SIPA1L1: variants seen among roughly 807,000 people sequenced by gnomAD.
SIPA1L1 encodes signal-induced proliferation-associated 1-like protein 1.
A neutral mutation model predicts 162.7 loss-of-function variants in SIPA1L1; 26 were observed. That is an observed-to-expected ratio of 0.16 (90% CI 0.12 to 0.22). SIPA1L1 has a LOEUF of 0.22. Ranked by LOEUF, SIPA1L1 falls within the 10% of genes least tolerant of loss-of-function variation. The pLI is 1.00. For synonymous variants in SIPA1L1, 829 were observed against 837.4 expected, an observed-to-expected ratio of 0.99 and a Z score of 0.17; for missense variants, 1,874 against 2,241.0, an observed-to-expected ratio of 0.84 and a Z score of 3.31.
intron 2 of SIPA1L1, among the ~76,000 whole-genome samples, chr14:71,477,778 A>T (rs1014857364): frequency 6.6e-6 from 1 of 150,608 alleles, no homozygotes; most frequent in Non-Finnish European, 1.5e-5. Context: ...GGTTTGTTCT[A>T]CTTTGGAGGT....
At chr14:71,709,126 G>A in intron 16 of SIPA1L1, 96 bp from the exon 17 acceptor site, 2 of 1,032,046 alleles carry the variant, frequency 1.9e-6, no homozygotes, top group Non-Finnish European at 2.8e-6. Context: ...GGCCTTCAGA[G>A]CCCTATAACT....
rs540524876 is a variant in SIPA1L1, at chr14:71,491,982, C to G, written c.-464-20761C>G. Among the ~76,000 whole-genome samples, 101 of 152,254 alleles carry G rather than the reference C, an allele frequency of 6.6e-4. 1 individual carries two copies. The highest frequency in any genetic ancestry group is 2.4e-3 in the African/African-American group (98 of 41,548). On this transcript the variant is annotated intron_variant, in intron 2 of 23. Coordinates refer to ENST00000381232, the MANE Select transcript of SIPA1L1 (RefSeq NM_001386936.1). ...CCTGTTTCTGCTAATCCAAGTCTGT[C>G]AGCACCATCTCCCCTCTGTCACCTA...
intron 2 of SIPA1L1, among the ~76,000 whole-genome samples, chr14:71,502,961 A>G (rs1471657925): frequency 1.3e-4 from 20 of 152,202 alleles, no homozygotes; most frequent in Non-Finnish European, 1.8e-4. Context: ...TAGTAATAAA[A>G]TTCCAGAAGT....
intron 4 of SIPA1L1, among the ~76,000 whole-genome samples, chr14:71,554,138 A>G (rs928419748): frequency 6.6e-6 from 1 of 152,190 alleles, no homozygotes; most frequent in African/African-American, 2.4e-5. Flanking sequence ...CTGTTCAGCA[A>G]AGGTAGTTTA....
chr14:71,512,146 G>A (rs2051206567), intron 2 of SIPA1L1, among the ~76,000 whole-genome samples: 1 of 152,128 alleles, frequency 6.6e-6, no homozygotes, highest in Admixed American at 6.5e-5. Flanking sequence ...GGACTTGATG[G>A]TTAGCGTCTG....
At chr14:71,473,494 T>C (rs2047623976) in intron 2 of SIPA1L1, among the ~76,000 whole-genome samples, 2 of 152,348 alleles carry the variant, frequency 1.3e-5, no homozygotes, top group African/African-American at 2.4e-5. Flanking sequence ...CCAGATTTTC[T>C]GATTCAAATT....
At chr14:71,661,236 C>T in intron 9 of SIPA1L1, 74 bp from the exon 10 acceptor site, 1 of 1,479,880 alleles carries the variant, frequency 6.8e-7, no homozygotes, top group Non-Finnish European at 9.3e-7. Flanking sequence ...TTAAATACAG[C>T]TATATAAGGG....
At chr14:71,687,046 C>G (rs989475121) in intron 13 of SIPA1L1, among the ~76,000 whole-genome samples, 13 of 152,328 alleles carry the variant, frequency 8.5e-5, no homozygotes, top group African/African-American at 3.1e-4. Flanking sequence ...TGAACTGTTG[C>G]ATAAAACATT....
chr14:71,435,628 A>G (rs191459505), intron 2 of SIPA1L1, among the ~76,000 whole-genome samples: 72 of 152,336 alleles, frequency 4.7e-4, no homozygotes, highest in African/African-American at 1.4e-3. Context: ...TAGTGCCGCA[A>G]TAAACATACG....
At chr14:71,529,698 C>T (rs944398386) in intron 4 of SIPA1L1, among the ~76,000 whole-genome samples, 17 of 152,200 alleles carry the variant, frequency 1.1e-4, no homozygotes, top group African/African-American at 3.9e-4. Flanking sequence ...GACTGCAGCT[C>T]GCCCTGATTA....
chr14:71,395,564 G>A (rs184227481), intron 2 of SIPA1L1, among the ~76,000 whole-genome samples: 20 of 152,312 alleles, frequency 1.3e-4, no homozygotes, highest in Middle Eastern at 3.4e-3. Context: ...TGGGGGCTGA[G>A]GTGCGAGGAT....
At position 71,709,272 on chromosome 14, in the gene SIPA1L1, T is replaced by C. The variant is rs1164231798; in HGVS notation, c.3816T>C (p.Asn1272=). 4 of 1,614,104 alleles carry C rather than the reference T, an allele frequency of 2.5e-6. No homozygotes were observed. Among genetic ancestry groups the C allele is most frequent in the South Asian group, 1.1e-5 (1 of 91,092 alleles). The change falls in exon 17 of 24, where the codon AAT becomes AAC. Residue 1272 remains asparagine (N), a synonymous_variant. Transcript: ENST00000381232. ...CCAGTAGCAATACTCTCTCCAGCAA[T>C]GCGTCAAGTGCCCATAGTGATGAGA... ...SHSSSNTLSS[N]ASSAHSDEKW... is the part of the protein sequence containing the mutation.
chr14:71,329,056 A>C (rs955481748), intron 2 of SIPA1L1, among the ~76,000 whole-genome samples: 7 of 152,326 alleles, frequency 4.6e-5, no homozygotes, highest in African/African-American at 1.4e-4. Flanking sequence ...TATTTGACTT[A>C]GCATAAAATC....
Position 71,709,537 on chromosome 14 carries a change from C to T in SIPA1L1, c.4081C>T (p.His1361Tyr). The T allele has an allele frequency of 6.2e-7, 1 of 1,614,178 alleles. No homozygotes were observed. The highest frequency in any genetic ancestry group is 1.6e-4 in the Middle Eastern group (1 of 6,062). ...AGATCGGACTTTGGAGACAGAGAGC[C>T]ACGGCCTGGACCGGAAAACAGAGTC... ...MADRTLETES[H>Y]GLDRKTESSL... Residue 1361 changes from histidine to tyrosine, a missense_variant, in exon 17 of 24, where the codon CAC (histidine) becomes TAC (tyrosine). By Grantham distance (83) the His-to-Tyr change is moderately conservative. Around this residue, in one of 5 missense-constraint regions of SIPA1L1, gnomAD observed 936 missense variants for 1,051.9 expected, o/e 0.89. Coordinates refer to ENST00000381232, the MANE Select transcript of SIPA1L1 (RefSeq NM_001386936.1).
intron 2 of SIPA1L1, among the ~76,000 whole-genome samples, chr14:71,352,660 C>A (rs142383083): frequency 6.6e-6 from 1 of 152,074 alleles, no homozygotes; most frequent in East Asian, 1.9e-4. Context: ...AATGAGTAGC[C>A]CTGCAGCAAA....
intron 13 of SIPA1L1, among the ~76,000 whole-genome samples, chr14:71,697,661 C>A (rs547676966): frequency 6.6e-5 from 10 of 152,318 alleles, no homozygotes; most frequent in African/African-American, 2.4e-4. Context: ...GCTCTCAAGT[C>A]AGATCTGCCT....
rs185598083 is a variant in SIPA1L1 at position 71,519,793 on chromosome 14, C to G, written c.-362+6948C>G. Among the ~76,000 whole-genome samples, 204 of 152,034 alleles carry G rather than the reference C, an allele frequency of 1.3e-3. 3 individuals carry two copies. Among genetic ancestry groups the G allele is most frequent in the Non-Finnish European group, 2.1e-4 (14 of 67,980 alleles). On this transcript the variant is annotated intron_variant, in intron 3 of 23. Transcript: ENST00000381232. ...TGAGTTATGATCATACCACTGCACTCCAGCCTGGGTGACAGAGTAAGACCT... is the reference window on the plus strand; with the variant it reads ...TGAGTTATGATCATACCACTGCACTGCAGCCTGGGTGACAGAGTAAGACCT...
intron 2 of SIPA1L1, chr14:71,497,948 T>C (rs1210037686): frequency 6.6e-6 from 1 of 152,258 alleles, no homozygotes; most frequent in African/African-American, 2.4e-5. Context: ...TCATTTTTCG[T>C]TCTCACCAGC....
intron 13 of SIPA1L1, among the ~76,000 whole-genome samples, chr14:71,693,653 A>G (rs148125984): frequency 1.1e-4 from 17 of 152,312 alleles, no homozygotes; most frequent in East Asian, 5.8e-4. Context: ...AACTTGTTCA[A>G]ACTACTCCGG....
Sources: allele counts gnomAD v4.1 joint callset (sites outside exome capture counted in the v4.1 genomes callset), GRCh38; gene constraint gnomAD v4.1.1; regional missense constraint gnomAD v4.1.1; transcripts MANE v1.5; gene names NCBI Gene and HGNC (gene_info 2026-07-23, HGNC 2026-07-21).